Variants in PTGER3 observed in about 807,000 individuals in gnomAD.
PTGER3 encodes the protein prostaglandin E2 receptor EP3 subtype.
In PTGER3, 22 loss-of-function variants were observed where a neutral mutation model predicts 34.7. The ratio of observed to expected loss-of-function variants is 0.63; its 90% CI spans 0.45 to 0.91. The LOEUF (loss-of-function observed/expected upper bound fraction) is 0.91. Ranked by LOEUF, PTGER3 falls within the 40% of genes least tolerant of loss-of-function variation. PTGER3 has a pLI of 0.00. For synonymous variants in PTGER3, 241 were observed against 230.1 expected (o/e 1.05, Z -0.43); for missense variants, 468 against 519.4 (o/e 0.90, Z 0.96).
At chr1:71,018,945 A>G (rs1326849008) in intron 1 of PTGER3, among the ~76,000 whole-genome samples, 2 of 152,192 alleles carry the variant, frequency 1.3e-5, no homozygotes, top group African/African-American at 4.8e-5. Context: ...GATGTGCAAT[A>G]TAGAGATAAT....
intron 2 of PTGER3, among the ~76,000 whole-genome samples, chr1:70,992,460 A>G (rs10489418): frequency 0.057 from 8,608 of 152,268 alleles, 439 homozygotes; most frequent in African/African-American, 0.13. Flanking sequence ...TGTTATAGCG[A>G]CCCACATGTT....
intron 4 of PTGER3, among the ~76,000 whole-genome samples, chr1:70,931,125 C>A (rs569565669): frequency 3.3e-5 from 5 of 152,308 alleles, no homozygotes; most frequent in Admixed American, 1.3e-4. Context: ...AGGGCCCATG[C>A]AAGTCTGAAA....
At chr1:71,025,517 A>C (rs948707870) in intron 1 of PTGER3, among the ~76,000 whole-genome samples, 3 of 148,222 alleles carry the variant, frequency 2.0e-5, no homozygotes, top group Non-Finnish European at 3.0e-5. Flanking sequence ...TCTAATACTT[A>C]GTGTCAAAAG....
At chr1:70,927,919 C>A (rs1648272565) in intron 4 of PTGER3, among the ~76,000 whole-genome samples, 1 of 152,084 alleles carries the variant, frequency 6.6e-6, no homozygotes, top group Non-Finnish European at 1.5e-5. Flanking sequence ...TTACCCTATA[C>A]ACTGATCTAA....
intron 4 of PTGER3, among the ~76,000 whole-genome samples, chr1:70,869,925 A>T (rs1193567359): frequency 2.0e-5 from 3 of 152,118 alleles, no homozygotes; most frequent in Non-Finnish European, 4.4e-5. Flanking sequence ...GGTCTGGAGG[A>T]TGGTGGCCCT....
At chr1:71,021,432 G>A (rs2300170) in intron 1 of PTGER3, among the ~76,000 whole-genome samples, 50,301 of 151,906 alleles carry the variant, frequency 0.33, 9,034 homozygotes, top group South Asian at 0.45. Context: ...CTGAAAGGGG[G>A]AAGGCAAAAT....
At chr1:71,029,422 C>G (rs1277673832) in intron 1 of PTGER3, among the ~76,000 whole-genome samples, 1 of 152,172 alleles carries the variant, frequency 6.6e-6, no homozygotes, top group Non-Finnish European at 1.5e-5. Flanking sequence ...AAACCAGTTT[C>G]CTCTTCTGAA....
intron 4 of PTGER3, among the ~76,000 whole-genome samples, chr1:70,891,349 C>A (rs1646613397): frequency 6.6e-6 from 1 of 152,166 alleles, no homozygotes; most frequent in African/African-American, 2.4e-5. Flanking sequence ...TGTAAACACA[C>A]CCACTCACAA....
At chr1:70,892,411 C>T (rs2100283584) in intron 4 of PTGER3, among the ~76,000 whole-genome samples, 1 of 152,250 alleles carries the variant, frequency 6.6e-6, no homozygotes, top group East Asian at 1.9e-4. Context: ...ACAGCTGGCA[C>T]CAGGTATGAC....
At chr1:70,889,146 G>A (rs913354787) in intron 4 of PTGER3, among the ~76,000 whole-genome samples, 2 of 151,988 alleles carry the variant, frequency 1.3e-5, no homozygotes, top group Admixed American at 6.6e-5. Flanking sequence ...TACCTCAATC[G>A]GATTTCCACT....
downstream of PTGER3, among the ~76,000 whole-genome samples, chr1:70,967,210 A>G (rs185551436): frequency 6.6e-6 from 1 of 152,324 alleles, no homozygotes; most frequent in African/African-American, 2.4e-5. Flanking sequence ...TCAACTGCCA[A>G]CTAAATGCCA....
At chr1:71,009,756 G>C in intron 2 of PTGER3, 4 of 985,074 alleles carry the variant, frequency 4.1e-6, no homozygotes, top group Non-Finnish European at 4.8e-6. Context: ...CATTTTTCCT[G>C]ATTAGACATA....
chr1:70,994,169 A>G (rs1655717986), intron 2 of PTGER3, among the ~76,000 whole-genome samples: 1 of 152,176 alleles, frequency 6.6e-6, no homozygotes, highest in South Asian at 2.1e-4. Context: ...GCCATTGCAG[A>G]CATCTGAATT....
At chr1:71,007,957 C>G (rs1316965363) in intron 2 of PTGER3, 15 of 985,030 alleles carry the variant, frequency 1.5e-5, no homozygotes, top group Non-Finnish European at 1.8e-5. Context: ...TCCTTCTTAT[C>G]TTTACTCCCA....
chr1:70,994,345 C>A (rs1270747825), intron 2 of PTGER3, among the ~76,000 whole-genome samples: 2 of 152,166 alleles, frequency 1.3e-5, no homozygotes, highest in African/African-American at 4.8e-5. Context: ...GAATAGCAAG[C>A]ATGCCAAAAG....
At chr1:70,912,132 CT>C (rs1647074760) in intron 4 of PTGER3, among the ~76,000 whole-genome samples, 1 of 151,414 alleles carries the variant, frequency 6.6e-6, no homozygotes, top group African/African-American at 2.4e-5. Flanking sequence ...ACTCGGTGTT[CT>C]TAAGTAGATA....
At chr1:70,861,753 TTCTC>T (rs1166379710) in intron 4 of PTGER3, among the ~76,000 whole-genome samples, 3 of 152,324 alleles carry the variant, frequency 2.0e-5, no homozygotes, top group Admixed American at 6.5e-5. Context: ...TGCTGTGTGT[TTCTC>T]TCTCAGAATA....
In PTGER3 at chr1:70,916,908, C is replaced by T. The variant is rs368226005; in HGVS notation, c.*23+36855G>A. ...ATATGACTTTTAAATTCACAATTGA[C>T]ACGTAATTGTATATATTTATGGGAT... On this transcript the variant is annotated intron_variant, in intron 4 of 4. Transcript: ENST00000370931. Among the ~76,000 whole-genome samples the T allele has an allele frequency of 6.6e-5, 10 of 151,960 alleles. No individual in the cohort carries two copies. The East Asian group carries it at 1.2e-3, about 18-fold the overall frequency.
chr1:70,886,318 G>A (rs906235629), intron 4 of PTGER3: 10 of 450,208 alleles, frequency 2.2e-5, no homozygotes, highest in African/African-American at 1.0e-4. Flanking sequence ...TGAACTTGCC[G>A]GCCTCCAGAA....
Sources: allele counts gnomAD v4.1 joint callset (sites outside exome capture counted in the v4.1 genomes callset), GRCh38; gene constraint gnomAD v4.1.1; transcripts MANE v1.5; gene names NCBI Gene and HGNC (gene_info 2026-07-23, HGNC 2026-07-21).